CSNK1G3: variants seen among roughly 807,000 people sequenced by gnomAD.
CSNK1G3 encodes the protein casein kinase I isoform gamma-3.
In CSNK1G3, 23 loss-of-function variants were observed where a neutral mutation model predicts 64.3. The observed-to-expected ratio is 0.36, with a 90% CI of 0.26 to 0.51. The LOEUF (loss-of-function observed/expected upper bound fraction) is 0.51. Among genes scored for constraint, CSNK1G3 ranks in the 20% least tolerant of loss-of-function variants. CSNK1G3 has a pLI of 0.96. For synonymous variants in CSNK1G3, 158 were observed against 162.2 expected, an observed-to-expected ratio of 0.97 and a Z score of 0.20; for missense variants, 357 against 510.5, an observed-to-expected ratio of 0.70 and a Z score of 2.90.
At chr5:123,527,887 GT>G (rs1382192527) in intron 1 of CSNK1G3, among the ~76,000 whole-genome samples, 1 of 151,932 alleles carries the variant, frequency 6.6e-6, no homozygotes, top group Non-Finnish European at 1.5e-5. Context: ...TTTTCTCCGT[GT>G]TTTCTAACAT....
intron 10 of CSNK1G3, among the ~76,000 whole-genome samples, chr5:123,597,839 T>A (rs550149747): frequency 2.6e-5 from 4 of 152,172 alleles, no homozygotes; most frequent in Non-Finnish European, 5.9e-5. Flanking sequence ...CTCTACCTTA[T>A]GGTTTTGTTA....
At chr5:123,539,630 G>A (rs560970917) in intron 1 of CSNK1G3, among the ~76,000 whole-genome samples, 1 of 152,062 alleles carries the variant, frequency 6.6e-6, no homozygotes, top group South Asian at 2.1e-4. Flanking sequence ...AGAAATGCAG[G>A]TTTAATTTTC....
intron 1 of CSNK1G3, among the ~76,000 whole-genome samples, chr5:123,544,743 C>T (rs988688505): frequency 6.6e-6 from 1 of 152,146 alleles, no homozygotes; most frequent in Non-Finnish European, 1.5e-5. Context: ...AAATTTAATA[C>T]CTAATTTCTG....
At chr5:123,520,464 G>GA (rs1225486217) in intron 1 of CSNK1G3, among the ~76,000 whole-genome samples, 3 of 150,062 alleles carry the variant, frequency 2.0e-5, no homozygotes, top group South Asian at 2.1e-4. Flanking sequence ...TCTACCATCA[G>GA]AAAAAACAGT....
intron 1 of CSNK1G3, among the ~76,000 whole-genome samples, chr5:123,539,491 T>C (rs1781358793): frequency 6.6e-6 from 1 of 151,986 alleles, no homozygotes; most frequent in African/African-American, 2.4e-5. Context: ...TCTGTTAGTT[T>C]GGTAGTGCAT....
chr5:123,546,034 C>T (rs1782459200), intron 2 of CSNK1G3, 193 bp downstream of exon 2: 1 of 520,686 alleles, frequency 1.9e-6, no homozygotes, highest in Non-Finnish European at 3.4e-6. Context: ...ATAGGAGTGT[C>T]TACTTTAGCC....
At chr5:123,553,131 A>G (rs1314451681) in exon 3 of CSNK1G3, 3 of 1,414,046 alleles carry the variant, frequency 2.1e-6, no homozygotes, top group Non-Finnish European at 2.9e-6. Context: ...ACAAATGAAT[A>G]TGTGGCAATT....
At chr5:123,615,978 T>C (rs1749382612) in exon 13 of CSNK1G3, 1 of 152,182 alleles carries the variant, frequency 6.6e-6, no homozygotes, top group Non-Finnish European at 1.5e-5. Context: ...ATTTTTCTTA[T>C]TAGCCAAAAG....
At chr5:123,577,022 T>G (rs896277721) in intron 6 of CSNK1G3, among the ~76,000 whole-genome samples, 1 of 152,132 alleles carries the variant, frequency 6.6e-6, no homozygotes, top group Non-Finnish European at 1.5e-5. Flanking sequence ...TTTAATGTAA[T>G]GTATTGAATG....
chr5:123,607,006 A>T (rs1795475081), intron 12 of CSNK1G3, among the ~76,000 whole-genome samples: 1 of 152,184 alleles, frequency 6.6e-6, no homozygotes, highest in Non-Finnish European at 1.5e-5. Flanking sequence ...AGAATACTTG[A>T]TGGAGGTGGC....
chr5:123,592,685 A>C (rs1293496443), intron 10 of CSNK1G3, among the ~76,000 whole-genome samples: 1 of 151,936 alleles, frequency 6.6e-6, no homozygotes, highest in African/African-American at 2.4e-5. Context: ...ACCACTTGTT[A>C]AAAATCATAG....
intron 8 of CSNK1G3, 137 bp downstream of exon 8, chr5:123,588,648 T>C: frequency 1.6e-6 from 1 of 645,020 alleles, no homozygotes; most frequent in South Asian, 2.0e-5. Context: ...TTGTCAGCAT[T>C]TGATGCCGAA....
At chr5:123,561,612 AG>A (rs1785737254) in intron 4 of CSNK1G3, among the ~76,000 whole-genome samples, 1 of 152,158 alleles carries the variant, frequency 6.6e-6, no homozygotes, top group Non-Finnish European at 1.5e-5. Flanking sequence ...GGAGGGAAGG[AG>A]GAAGAAATGA....
chr5:123,587,839 C>G (rs1189518001), intron 6 of CSNK1G3, among the ~76,000 whole-genome samples: 1 of 152,062 alleles, frequency 6.6e-6, no homozygotes. Flanking sequence ...AAATCTCTAA[C>G]AGCATCTAAA....
intron 4 of CSNK1G3, among the ~76,000 whole-genome samples, chr5:123,559,564 C>G (rs1400292906): frequency 6.6e-6 from 1 of 152,136 alleles, no homozygotes; most frequent in Non-Finnish European, 1.5e-5. Context: ...CTCCTCTCTG[C>G]TCTATGGGTG....
chr5:123,568,011 G>C (rs1464045671), intron 4 of CSNK1G3, among the ~76,000 whole-genome samples: 1 of 152,184 alleles, frequency 6.6e-6, no homozygotes, highest in Non-Finnish European at 1.5e-5. Flanking sequence ...CAAGATGCTT[G>C]AAGAAGTAGT....
chr5:123,548,064 T>C (rs1782893238), intron 2 of CSNK1G3, among the ~76,000 whole-genome samples: 2 of 152,198 alleles, frequency 1.3e-5, no homozygotes, highest in Non-Finnish European at 2.9e-5. Context: ...ATACATGTTA[T>C]AGGTAAGTGA....
At chr5:123,612,479 A>ATT (rs200373188) in intron 12 of CSNK1G3, among the ~76,000 whole-genome samples, 6 of 138,448 alleles carry the variant, frequency 4.3e-5, no homozygotes, top group Admixed American at 1.5e-4. Flanking sequence ...ACTTGAAGCT[A>ATT]TTTTTTTTTT....
chr5:123,514,647 A>T (rs1776822648), intron 1 of CSNK1G3, among the ~76,000 whole-genome samples: 1 of 151,596 alleles, frequency 6.6e-6, no homozygotes, highest in Admixed American at 6.6e-5. Context: ...TTTTGAATGG[A>T]TGTAGAGCTG....
Sources: allele counts gnomAD v4.1 joint callset (sites outside exome capture counted in the v4.1 genomes callset), GRCh38; gene constraint gnomAD v4.1.1; transcripts MANE v1.5; gene names NCBI Gene and HGNC (gene_info 2026-07-23, HGNC 2026-07-21).